The following EVI5 variants were observed in gnomAD, a reference collection of about 807,000 sequenced individuals.
EVI5 encodes ecotropic viral integration site 5.
Under a neutral mutation model 112.0 loss-of-function variants are expected in EVI5, and 73 were observed. The ratio of observed to expected loss-of-function variants is 0.65; its 90% CI spans 0.54 to 0.79. The LOEUF is 0.79. EVI5 is among the 30% of genes least tolerant of loss of function. EVI5 has a pLI of 0.00. For missense variants in EVI5, 900 were observed against 968.8 expected (o/e 0.93, Z 0.94); for synonymous variants, 305 against 319.9 (o/e 0.95, Z 0.50).
chr1:92,759,431 A>G (rs533357894), intron 1 of EVI5, among the ~76,000 whole-genome samples: 113 of 152,340 alleles, frequency 7.4e-4, no homozygotes, highest in African/African-American at 2.6e-3. Context: ...AACTAGCTAC[A>G]AGTCCTTAAC....
chr1:92,622,624 C>T (rs915385009), intron 16 of EVI5, among the ~76,000 whole-genome samples: 1 of 152,162 alleles, frequency 6.6e-6, no homozygotes, highest in Non-Finnish European at 1.5e-5. Flanking sequence ...GATTACTACA[C>T]ACCACCACCA....
chr1:92,515,605 T>C lies in EVI5; in HGVS notation c.2167-1635A>G, dbSNP rs944050483. On this transcript the variant is annotated intron_variant, in intron 19 of 19. Coordinates refer to ENST00000684568, the MANE Select transcript of EVI5 (RefSeq NM_001350197.2). ...CTACTCTGACTATTAAGAATCTTGC[T>C]AAAATATGCTCCACGTCTCCTACCC... is the stretch of plus-strand genomic sequence containing the variant. Among the ~76,000 whole-genome samples, 3 of 152,342 alleles carry C rather than the reference T, an allele frequency of 2.0e-5. No homozygotes were observed. The East Asian group carries it at 5.8e-4, about 29-fold the overall frequency.
chr1:92,559,014 A>G (rs1668109467), intron 19 of EVI5, among the ~76,000 whole-genome samples: 1 of 152,176 alleles, frequency 6.6e-6, no homozygotes, highest in South Asian at 2.1e-4. Context: ...AGGATGTCCC[A>G]AGGATACTAA....
intron 14 of EVI5, among the ~76,000 whole-genome samples, chr1:92,627,125 C>T (rs966626343): frequency 6.6e-6 from 1 of 152,160 alleles, no homozygotes; most frequent in Non-Finnish European, 1.5e-5. Flanking sequence ...AAGCAGTATA[C>T]ACTGCACCTT....
intron 13 of EVI5, among the ~76,000 whole-genome samples, chr1:92,652,371 TAC>T (rs1462229010): frequency 6.6e-5 from 10 of 152,340 alleles, no homozygotes; most frequent in African/African-American, 2.4e-4. Context: ...TGTTACTAGA[TAC>T]AGAGCTTCTG....
upstream of EVI5, among the ~76,000 whole-genome samples, chr1:92,786,282 A>G (rs956738689): frequency 6.6e-6 from 1 of 151,804 alleles, no homozygotes; most frequent in South Asian, 2.1e-4. Context: ...CAAGATTAGG[A>G]AATACCAAGA....
At chr1:92,542,171 T>C (rs1370840184) in intron 19 of EVI5, among the ~76,000 whole-genome samples, 2 of 152,238 alleles carry the variant, frequency 1.3e-5, no homozygotes, top group Non-Finnish European at 2.9e-5. Flanking sequence ...GCCACTGCTT[T>C]ATCAACTAAG....
At chr1:92,582,487 T>A (rs890651214) in intron 18 of EVI5, among the ~76,000 whole-genome samples, 1 of 151,786 alleles carries the variant, frequency 6.6e-6, no homozygotes, top group South Asian at 2.1e-4. Context: ...ATGGGAAGAT[T>A]AGGGAGCACA....
chr1:92,581,338 C>G (rs1159503182), intron 18 of EVI5, among the ~76,000 whole-genome samples: 2 of 152,238 alleles, frequency 1.3e-5, no homozygotes, highest in African/African-American at 4.8e-5. Context: ...TTTTAGGATT[C>G]AGATCATTTC....
chr1:92,572,591 G>A (rs1670472097), intron 18 of EVI5, among the ~76,000 whole-genome samples: 1 of 152,002 alleles, frequency 6.6e-6, no homozygotes, highest in Admixed American at 6.6e-5. Context: ...TTTACAGTAG[G>A]TTTTGTGATT....
At chr1:92,700,339 T>C (rs1670956015) in intron 5 of EVI5, among the ~76,000 whole-genome samples, 1 of 152,186 alleles carries the variant, frequency 6.6e-6, no homozygotes, top group South Asian at 2.1e-4. Context: ...ATTTTGCAAA[T>C]TTTATCAGAC....
chr1:92,552,883 C>T lies in EVI5; in HGVS notation c.2166+10759G>A, dbSNP rs190876778. ...GGTGGTTTCCTTATCTAGCATCTTACCCCTCTCCTACTAGATCTTTGTGTT... is the reference window on the plus strand; with the variant it reads ...GGTGGTTTCCTTATCTAGCATCTTATCCCTCTCCTACTAGATCTTTGTGTT... On this transcript the variant is annotated intron_variant, in intron 19 of 19. Coordinates refer to ENST00000684568, the MANE Select transcript of EVI5 (RefSeq NM_001350197.2). Among the ~76,000 whole-genome samples, 6 of 152,004 alleles carry T rather than the reference C, an allele frequency of 3.9e-5. No individual in the cohort carries two copies. The East Asian group carries it at 7.7e-4, about 20-fold the overall frequency.
At chr1:92,703,053 A>C (rs1671445420) in intron 4 of EVI5, among the ~76,000 whole-genome samples, 1 of 152,162 alleles carries the variant, frequency 6.6e-6, no homozygotes, top group Non-Finnish European at 1.5e-5. Context: ...AAATTTGCTC[A>C]CTGTAGGAAC....
intron 19 of EVI5, among the ~76,000 whole-genome samples, chr1:92,552,987 A>AT (rs917169022): frequency 5.0e-4 from 75 of 148,736 alleles, no homozygotes; most frequent in Non-Finnish European, 8.8e-4. Context: ...ACAAGTTAAA[A>AT]TTTTTTTTTT....
At chr1:92,585,772 C>T (rs578257924) in intron 18 of EVI5, among the ~76,000 whole-genome samples, 1 of 151,912 alleles carries the variant, frequency 6.6e-6, no homozygotes, top group Non-Finnish European at 1.5e-5. Context: ...ACCTTTGTTA[C>T]AATTAATGAA....
chr1:92,514,384 G>A (rs955217883), intron 19 of EVI5, among the ~76,000 whole-genome samples: 4 of 152,036 alleles, frequency 2.6e-5, no homozygotes, highest in Non-Finnish European at 5.9e-5. Context: ...TCAAACTCCT[G>A]GGCTCAAGCA....
chr1:92,653,034 G>A (rs1391156956), intron 13 of EVI5, among the ~76,000 whole-genome samples: 2 of 152,304 alleles, frequency 1.3e-5, no homozygotes, highest in East Asian at 3.9e-4. Context: ...ACTGGTGTGG[G>A]CAGTGATTTG....
intron 1 of EVI5, chr1:92,784,491 G>A: frequency 1.1e-6 from 1 of 943,892 alleles, no homozygotes; most frequent in African/African-American, 1.8e-5. Context: ...CTGGCCTCGA[G>A]GGTGGGGTGC....
At chr1:92,738,032 A>T (rs980313372) in intron 1 of EVI5, among the ~76,000 whole-genome samples, 2 of 152,230 alleles carry the variant, frequency 1.3e-5, no homozygotes, top group Non-Finnish European at 2.9e-5. Context: ...GTTGAATGGC[A>T]TAAGAGACCT....
Sources: allele counts gnomAD v4.1 joint callset (sites outside exome capture counted in the v4.1 genomes callset), GRCh38; gene constraint gnomAD v4.1.1; transcripts MANE v1.5; gene names NCBI Gene and HGNC (gene_info 2026-07-23, HGNC 2026-07-21).